Variants in GALNT13 observed in about 807,000 individuals in gnomAD.
The protein encoded by GALNT13 is polypeptide N-acetylgalactosaminyltransferase 13.
In GALNT13, 28 loss-of-function variants were observed where a neutral mutation model predicts 64.2. The ratio of observed to expected loss-of-function variants is 0.44; its 90% CI spans 0.32 to 0.60. The LOEUF (loss-of-function observed/expected upper bound fraction) is 0.60, where lower values mean the gene tolerates loss of function less well. Ranked by LOEUF, GALNT13 falls within the 20% of genes least tolerant of loss-of-function variation. GALNT13 has a pLI of 0.05. For missense variants in GALNT13, 577 were observed against 669.8 expected (o/e 0.86, Z 1.53); for synonymous variants, 214 against 224.6 (o/e 0.95, Z 0.42).
intron 3 of GALNT13, among the ~76,000 whole-genome samples, chr2:153,948,692 A>G (rs1691949447): frequency 6.6e-6 from 1 of 152,156 alleles, no homozygotes; most frequent in Non-Finnish European, 1.5e-5. Flanking sequence ...GAATGAGATC[A>G]TGTCCTTTGC....
the GALNT13 span, among the ~76,000 whole-genome samples, chr2:153,413,912 G>A: frequency 6.6e-6 from 1 of 152,056 alleles, no homozygotes; most frequent in African/African-American, 2.4e-5. Flanking sequence ...ATGTATAAAA[G>A]TATAAACTTT....
chr2:153,351,494 G>A, the GALNT13 span, among the ~76,000 whole-genome samples: 16 of 152,090 alleles, frequency 1.1e-4, no homozygotes, highest in African/African-American at 4.8e-5. Context: ...CATAGTTTAC[G>A]TTAGTTCACT....
At chr2:154,169,570 A>G (rs1685241059) in intron 4 of GALNT13, among the ~76,000 whole-genome samples, 1 of 152,146 alleles carries the variant, frequency 6.6e-6, no homozygotes, top group South Asian at 2.1e-4. Flanking sequence ...CCATATTGGC[A>G]CTAGTGAGTG....
the GALNT13 span, among the ~76,000 whole-genome samples, chr2:153,596,436 C>A: frequency 2.6e-5 from 4 of 152,186 alleles, no homozygotes; most frequent in South Asian, 8.3e-4. Flanking sequence ...CAATCTATTA[C>A]TCTTAGTAAT....
chr2:153,450,020 C>T, the GALNT13 span, among the ~76,000 whole-genome samples: 1 of 152,156 alleles, frequency 6.6e-6, no homozygotes, highest in African/African-American at 2.4e-5. Flanking sequence ...GTAAATCTTT[C>T]TGGTTGAAAA....
chr2:153,119,685 C>A, the GALNT13 span, among the ~76,000 whole-genome samples: 2 of 152,284 alleles, frequency 1.3e-5, no homozygotes, highest in East Asian at 3.9e-4. Flanking sequence ...ATGCGCATGC[C>A]AGGTTAGAAG....
intron 9 of GALNT13, among the ~76,000 whole-genome samples, chr2:154,338,082 C>A (rs1014809336): frequency 6.6e-6 from 1 of 151,988 alleles, no homozygotes; most frequent in Non-Finnish European, 1.5e-5. Flanking sequence ...AGTACCTTGT[C>A]CCCCTGGCCT....
the GALNT13 span, among the ~76,000 whole-genome samples, chr2:153,111,346 C>A: frequency 6.6e-6 from 1 of 151,922 alleles, no homozygotes; most frequent in Non-Finnish European, 1.5e-5. Context: ...AAAACACCTG[C>A]CATAATGATG....
the GALNT13 span, among the ~76,000 whole-genome samples, chr2:153,680,734 C>A: frequency 1.3e-5 from 2 of 151,998 alleles, no homozygotes; most frequent in South Asian, 4.1e-4. Flanking sequence ...ATATGGCCCA[C>A]ATTCAGTATG....
chr2:153,862,351 T>C, the GALNT13 span, among the ~76,000 whole-genome samples: 3 of 64,252 alleles, frequency 4.7e-5, no homozygotes, highest in African/African-American at 1.3e-4. Flanking sequence ...CTTAAATGTT[T>C]TCAATTCTAT....
intron 4 of GALNT13, among the ~76,000 whole-genome samples, chr2:154,240,616 G>A (rs972721897): frequency 6.6e-6 from 1 of 152,166 alleles, no homozygotes; most frequent in African/African-American, 2.4e-5. Context: ...GGACGGGCAG[G>A]TTGTGGGGCT....
rs775241350 is a variant in GALNT13, at chr2:154,382,374, C to G, written c.1157-13617C>G. ...GCTTTCATCATGACTGAATGTTACC[C>G]TTATTTAGTGATTACTGAGAAGTTC... On this transcript the variant is annotated intron_variant, in intron 9 of 12. Transcript: ENST00000392825. Among the ~76,000 whole-genome samples, 4 of 152,026 alleles carry G rather than the reference C, an allele frequency of 2.6e-5. No homozygotes were observed. In the East Asian group the frequency reaches 7.7e-4, roughly 29 times the overall value.
chr2:153,568,766 T>G, the GALNT13 span, among the ~76,000 whole-genome samples: 1 of 152,196 alleles, frequency 6.6e-6, no homozygotes, highest in Non-Finnish European at 1.5e-5. Context: ...ATACCAGCCC[T>G]TAGCACATAC....
At chr2:153,651,238 A>G in the GALNT13 span, among the ~76,000 whole-genome samples, 1 of 152,312 alleles carries the variant, frequency 6.6e-6, no homozygotes, top group African/African-American at 2.4e-5. Flanking sequence ...ACAAGAGTCT[A>G]GAGAATTGAT....
chr2:154,446,227 C>T (rs944388478), intron 12 of GALNT13, among the ~76,000 whole-genome samples: 4 of 152,070 alleles, frequency 2.6e-5, no homozygotes, highest in Non-Finnish European at 4.4e-5. Flanking sequence ...TGAATATCCA[C>T]TCGCAAATAA....
intron 4 of GALNT13, among the ~76,000 whole-genome samples, chr2:154,192,409 C>G (rs1442354537): frequency 6.6e-6 from 1 of 152,074 alleles, no homozygotes; most frequent in Non-Finnish European, 1.5e-5. Flanking sequence ...AGGGACCCGC[C>G]CTTCTCCTCC....
At chr2:153,522,429 G>A in the GALNT13 span, among the ~76,000 whole-genome samples, 1 of 152,102 alleles carries the variant, frequency 6.6e-6, no homozygotes, top group Non-Finnish European at 1.5e-5. Flanking sequence ...CTAAGAGTAA[G>A]TTTAGTTTTG....
At chr2:154,352,338 A>G (rs529429318) in intron 9 of GALNT13, among the ~76,000 whole-genome samples, 5 of 152,330 alleles carry the variant, frequency 3.3e-5, no homozygotes, top group Admixed American at 6.5e-5. Flanking sequence ...GATTATGCCA[A>G]GACTGGTTTC....
chr2:153,278,363 C>T, the GALNT13 span, among the ~76,000 whole-genome samples: 46 of 152,136 alleles, frequency 3.0e-4, no homozygotes, highest in Admixed American at 6.5e-5. Flanking sequence ...AATTAGGCCC[C>T]ATTTGTCCAT....
Sources: gnomAD v4.1 joint callset for allele counts (sites outside exome capture counted in the v4.1 genomes callset) on GRCh38, gnomAD v4.1.1 for gene constraint, MANE v1.5 for transcripts, NCBI Gene and HGNC (gene_info 2026-07-23, HGNC 2026-07-21) for gene names.